The following ITGA9 variants were observed in gnomAD, a reference collection of about 807,000 sequenced individuals.
ITGA9 encodes integrin alpha-9.
Under a neutral mutation model 127.8 loss-of-function variants are expected in ITGA9, and 56 were observed. That is an observed-to-expected ratio of 0.44 (90% CI 0.35 to 0.55). The LOEUF (loss-of-function observed/expected upper bound fraction) is 0.55, where lower values mean the gene tolerates loss of function less well. Ranked by LOEUF, ITGA9 falls within the 20% of genes least tolerant of loss-of-function variation. The pLI is 0.00. For synonymous variants in ITGA9, 508 were observed against 514.5 expected (o/e 0.99, Z 0.17); for missense variants, 1,196 against 1,347.1 (o/e 0.89, Z 1.76).
rs546109267 is a variant in ITGA9 at position 37,512,781 on chromosome 3, G to A, written c.898-982G>A. Among the ~76,000 whole-genome samples the A allele has an allele frequency of 7.2e-5, 11 of 152,194 alleles. No homozygotes were observed. The South Asian group carries it at 2.3e-3, about 32-fold the overall frequency. ...GGGTTGAAGCTGCTCCTTTAGCCAG[G>A]CTTGTGGGCTCCAGTTTGCCACAGT... On this transcript the variant is annotated intron_variant, in intron 8 of 27. Coordinates refer to ENST00000264741, the MANE Select transcript of ITGA9 (RefSeq NM_002207.3).
intron 1 of ITGA9, among the ~76,000 whole-genome samples, chr3:37,457,925 C>A (rs1010681): frequency 6.6e-6 from 1 of 152,190 alleles, no homozygotes; most frequent in East Asian, 1.9e-4. Context: ...GGGCCGGGCC[C>A]CAGCCAGCTC....
intron 21 of ITGA9, among the ~76,000 whole-genome samples, chr3:37,742,649 T>C (rs1696452483): frequency 2.0e-5 from 3 of 152,354 alleles, no homozygotes; most frequent in Middle Eastern, 3.4e-3. Context: ...CTGAACTTTC[T>C]GGAGGTTCAC....
intron 4 of ITGA9, among the ~76,000 whole-genome samples, chr3:37,492,212 AG>A (rs776346305): frequency 6.6e-6 from 1 of 152,134 alleles, no homozygotes; most frequent in African/African-American, 2.4e-5. Context: ...GGAGCCAGTC[AG>A]GGGCCCCCAT....
intron 15 of ITGA9, among the ~76,000 whole-genome samples, chr3:37,608,250 T>A (rs1699986794): frequency 6.6e-6 from 1 of 152,236 alleles, no homozygotes; most frequent in Non-Finnish European, 1.5e-5. Context: ...TATGTTTCCC[T>A]TTCCAATATA....
At chr3:37,548,844 C>CT (rs1338467428) in intron 15 of ITGA9, among the ~76,000 whole-genome samples, 2 of 152,200 alleles carry the variant, frequency 1.3e-5, no homozygotes, top group Non-Finnish European at 2.9e-5. Context: ...CTGCAGTTGG[C>CT]TTTGTGCCCT....
At chr3:37,493,839 A>G (rs964245194) in intron 4 of ITGA9, among the ~76,000 whole-genome samples, 1 of 152,198 alleles carries the variant, frequency 6.6e-6, no homozygotes, top group Non-Finnish European at 1.5e-5. Flanking sequence ...CTTCCTTGCC[A>G]GCTTAAAATT....
At chr3:37,666,609 G>T (rs920284711) in intron 17 of ITGA9, among the ~76,000 whole-genome samples, 2 of 152,180 alleles carry the variant, frequency 1.3e-5, no homozygotes, top group African/African-American at 4.8e-5. Context: ...TTACAGTGTG[G>T]CCAGGGCCCA....
At chr3:37,534,878 C>T (rs937901873) in intron 14 of ITGA9, among the ~76,000 whole-genome samples, 23 of 152,212 alleles carry the variant, frequency 1.5e-4, no homozygotes, top group African/African-American at 5.5e-4. Flanking sequence ...AACTATTTCT[C>T]ACCACCTCCA....
intron 18 of ITGA9, among the ~76,000 whole-genome samples, chr3:37,719,149 GT>G (rs1378123745): frequency 1.3e-5 from 2 of 152,228 alleles, no homozygotes; most frequent in African/African-American, 4.8e-5. Context: ...CCAGGAGGCC[GT>G]TTTGTGCTGG....
intron 15 of ITGA9, among the ~76,000 whole-genome samples, chr3:37,588,441 C>T (rs1353174246): frequency 6.6e-6 from 1 of 152,110 alleles, no homozygotes; most frequent in Non-Finnish European, 1.5e-5. Context: ...TGCCCTTGGA[C>T]CTCAGGTAGG....
chr3:37,628,583 C>T (rs756551891), intron 15 of ITGA9, among the ~76,000 whole-genome samples: 5 of 152,140 alleles, frequency 3.3e-5, no homozygotes, highest in Non-Finnish European at 7.4e-5. Flanking sequence ...CTCATATGTT[C>T]AGGGCATGTT....
rs1472296789 is a variant in ITGA9, at chr3:37,542,419, T to C, written c.1529-6T>C. Reference sequence around the variant, plus strand: ...TCTGACATTTTGACCTCTCATTTATTGGCAGGCCTGAATTATGTTCTGATG... The same window carrying C: ...TCTGACATTTTGACCTCTCATTTATCGGCAGGCCTGAATTATGTTCTGATG... On this transcript the variant is annotated splice_polypyrimidine_tract_variant and splice_region_variant and intron_variant, in intron 14 of 27. Transcript: ENST00000264741. 2 of 1,613,226 alleles carry C rather than the reference T, an allele frequency of 1.2e-6. No homozygotes were observed. The highest frequency in any genetic ancestry group is 1.7e-6 in the Non-Finnish European group (2 of 1,179,984).
chr3:37,505,905 G>T, intron 6 of ITGA9, 95 bp from the exon 7 acceptor site: 1 of 888,934 alleles, frequency 1.1e-6, no homozygotes, highest in South Asian at 1.4e-5. Context: ...CAAGAGTAGG[G>T]AGCATGCTTG....
intron 1 of ITGA9, among the ~76,000 whole-genome samples, chr3:37,468,930 G>A (rs900750994): frequency 6.6e-6 from 1 of 152,232 alleles, no homozygotes; most frequent in African/African-American, 2.4e-5. Flanking sequence ...TGTGGATTTT[G>A]TTTGAAGTCT....
At chr3:37,617,867 A>T (rs1159954130) in intron 15 of ITGA9, among the ~76,000 whole-genome samples, 1 of 151,760 alleles carries the variant, frequency 6.6e-6, no homozygotes, top group Non-Finnish European at 1.5e-5. Context: ...CATTCATCTA[A>T]TTTTTTTCAA....
At chr3:37,787,401 A>G (rs1054908845) in intron 26 of ITGA9, among the ~76,000 whole-genome samples, 5 of 152,164 alleles carry the variant, frequency 3.3e-5, no homozygotes, top group Admixed American at 6.5e-5. Flanking sequence ...TACTCCCCCA[A>G]AATACCACTT....
At chr3:37,687,553 T>C (rs1559567903) in intron 18 of ITGA9, among the ~76,000 whole-genome samples, 1 of 152,240 alleles carries the variant, frequency 6.6e-6, no homozygotes, top group South Asian at 2.1e-4. Context: ...AACATTTTAA[T>C]GTCTACAAAT....
intron 27 of ITGA9, among the ~76,000 whole-genome samples, chr3:37,813,793 TTA>T (rs1227937348): frequency 6.6e-6 from 1 of 152,188 alleles, no homozygotes; most frequent in Non-Finnish European, 1.5e-5. Flanking sequence ...ATTCTGACAC[TTA>T]TTATAAGACA....
At chr3:37,777,264 C>T (rs1696919586) in intron 23 of ITGA9, 128 bp from the exon 24 acceptor site, 1 of 1,048,586 alleles carries the variant, frequency 9.5e-7, no homozygotes, top group South Asian at 1.3e-5. Context: ...CATTGTTCTC[C>T]ACTTCAAAAT....
Sources: gnomAD v4.1 joint callset for allele counts (sites outside exome capture counted in the v4.1 genomes callset) on GRCh38, gnomAD v4.1.1 for gene constraint, MANE v1.5 for transcripts, NCBI Gene and HGNC (gene_info 2026-07-23, HGNC 2026-07-21) for gene names.